The following CREB5 variants were observed in gnomAD, a reference collection of about 807,000 sequenced individuals.
The protein encoded by CREB5 is cyclic AMP-responsive element-binding protein 5.
Under a neutral mutation model 57.1 loss-of-function variants are expected in CREB5, and 19 were observed. That is an observed-to-expected ratio of 0.33 (90% CI 0.23 to 0.49). The LOEUF (loss-of-function observed/expected upper bound fraction) is 0.49. CREB5 is among the 20% of genes least tolerant of loss of function. The pLI, the probability that CREB5 is intolerant of heterozygous loss-of-function variation, is 0.99. For missense variants in CREB5, 579 were observed against 671.6 expected (o/e 0.86, Z 1.52); for synonymous variants, 238 against 238.3 (o/e 1.00, Z 0.01).
At chr7:28,560,831 C>CGTGCGTGTGCGCGTGCGTGTGCGCGT (rs1562797049) in intron 4 of CREB5, among the ~76,000 whole-genome samples, 2 of 58,946 alleles carry the variant, frequency 3.4e-5, no homozygotes, top group African/African-American at 1.3e-4. Flanking sequence ...TGCGCGCGCG[C>CGTGCGTGTGCGCGTGCGTGTGCGCGT]GCGTGTGTGT....
At chr7:28,803,932 T>A (rs1228274882) in intron 7 of CREB5, among the ~76,000 whole-genome samples, 1 of 152,148 alleles carries the variant, frequency 6.6e-6, no homozygotes, top group Non-Finnish European at 1.5e-5. Context: ...GTATGATTCT[T>A]GATAGGATAT....
intron 5 of CREB5, among the ~76,000 whole-genome samples, chr7:28,690,247 G>A (rs758760521): frequency 5.6e-4 from 85 of 152,286 alleles, no homozygotes; most frequent in Non-Finnish European, 1.1e-3. Context: ...AGCAGGTGGA[G>A]GAGGAGAGAT....
intron 4 of CREB5, among the ~76,000 whole-genome samples, chr7:28,520,213 T>A (rs976017146): frequency 6.6e-6 from 1 of 152,226 alleles, no homozygotes; most frequent in Non-Finnish European, 1.5e-5. Context: ...ACTAGCTGAC[T>A]CAGGTCAGTT....
chr7:28,751,128 G>A (rs1440179268), intron 7 of CREB5, among the ~76,000 whole-genome samples: 1 of 147,666 alleles, frequency 6.8e-6, no homozygotes, highest in Non-Finnish European at 1.5e-5. Context: ...ACCAACAAAC[G>A]AAGCCACTTG....
At chr7:28,302,000 GAA>G (rs1562647678) in intron 1 of CREB5, among the ~76,000 whole-genome samples, 1 of 152,130 alleles carries the variant, frequency 6.6e-6, no homozygotes, top group East Asian at 1.9e-4. Context: ...AGCTACTTCA[GAA>G]AATAATAAGC....
Position 28,708,159 on chromosome 7 carries a change from G to A in CREB5, c.465-10594G>A, listed in dbSNP as rs1802217364. Among the ~76,000 whole-genome samples, 22 of 152,334 alleles carry A rather than the reference G, an allele frequency of 1.4e-4. No homozygotes were observed. In the South Asian group the frequency reaches 4.3e-3, roughly 30 times the overall value. ...CCCAGTGAAGAGTTTGCTCAGCCTT[G>A]TTAGGCAATGCCCCTTTCCTTGTTC... On this transcript the variant is annotated intron_variant, in intron 5 of 10. Coordinates refer to ENST00000357727, the MANE Select transcript of CREB5 (RefSeq NM_182898.4).
intron 2 of CREB5, 131 bp downstream of exon 2, chr7:28,488,377 C>T (rs1791664165): frequency 1.5e-6 from 1 of 684,148 alleles, no homozygotes; most frequent in Non-Finnish European, 2.5e-6. Context: ...TCCCCCTCCC[C>T]ATCAGTATCG....
intron 5 of CREB5, among the ~76,000 whole-genome samples, chr7:28,710,816 C>T (rs982547568): frequency 6.6e-6 from 1 of 152,148 alleles, no homozygotes; most frequent in African/African-American, 2.4e-5. Flanking sequence ...AAGCCTGACA[C>T]ATATTTGTTG....
At position 28,686,803 on chromosome 7, in the gene CREB5, C is replaced by T. The variant is rs557842305; in HGVS notation, c.465-31950C>T. ...ACTGCAATCTCTAATTATTCACAGA[C>T]GCTCCTTTTTTATCTTTTATTATTA... On this transcript the variant is annotated intron_variant, in intron 5 of 10. Transcript: ENST00000357727. Among the ~76,000 whole-genome samples, 210 of 152,266 alleles carry T rather than the reference C, an allele frequency of 1.4e-3. 1 individual carries two copies. The highest frequency in any genetic ancestry group is 4.1e-3 in the African/African-American group (170 of 41,542).
intron 5 of CREB5, among the ~76,000 whole-genome samples, chr7:28,579,423 T>G (rs1470770368): frequency 6.6e-6 from 1 of 152,082 alleles, no homozygotes; most frequent in Non-Finnish European, 1.5e-5. Context: ...ACCAGACACA[T>G]TTCAAGGAAT....
chr7:28,507,783 C>G, intron 4 of CREB5, 46 bp downstream of exon 4: 1 of 1,556,860 alleles, frequency 6.4e-7, no homozygotes, highest in Non-Finnish European at 8.8e-7. Context: ...CTGCTAGAAA[C>G]TTCCACGAGG....
intron 4 of CREB5, among the ~76,000 whole-genome samples, chr7:28,551,975 T>TTC (rs1224502131): frequency 3.8e-5 from 5 of 132,654 alleles, no homozygotes; most frequent in Non-Finnish European, 7.8e-5. Flanking sequence ...TATTCTCTCT[T>TTC]TCTCTCTCTC....
intron 1 of CREB5, among the ~76,000 whole-genome samples, chr7:28,302,393 G>A (rs1427189828): frequency 6.6e-6 from 1 of 152,278 alleles, no homozygotes; most frequent in African/African-American, 2.4e-5. Context: ...ACATGTTAAA[G>A]CTGAAATTGA....
At chr7:28,576,900 A>C (rs1297779000) in intron 5 of CREB5, among the ~76,000 whole-genome samples, 1 of 152,190 alleles carries the variant, frequency 6.6e-6, no homozygotes, top group Non-Finnish European at 1.5e-5. Flanking sequence ...GATAGGCACA[A>C]ATGAGGGACT....
chr7:28,772,284 G>A (rs1381930310), intron 7 of CREB5, among the ~76,000 whole-genome samples: 1 of 152,110 alleles, frequency 6.6e-6, no homozygotes, highest in East Asian at 1.9e-4. Flanking sequence ...GCTGGAAGTT[G>A]GGGCAAAAGA....
intron 7 of CREB5, among the ~76,000 whole-genome samples, chr7:28,796,905 G>A (rs917359417): frequency 6.6e-6 from 1 of 152,154 alleles, no homozygotes; most frequent in Non-Finnish European, 1.5e-5. Context: ...TGTTCTGAAA[G>A]CTGCTGAAAT....
intron 5 of CREB5, among the ~76,000 whole-genome samples, chr7:28,573,774 A>G (rs1795796292): frequency 6.6e-6 from 1 of 152,236 alleles, no homozygotes; most frequent in African/African-American, 2.4e-5. Context: ...AGGCATCCTC[A>G]TAAGCATTTG....
intron 5 of CREB5, among the ~76,000 whole-genome samples, chr7:28,670,329 C>T (rs1466063458): frequency 6.6e-6 from 1 of 152,198 alleles, no homozygotes; most frequent in Non-Finnish European, 1.5e-5. Flanking sequence ...TTGTACCGTA[C>T]TCACCTGTTT....
rs150601545 is a variant in CREB5 at position 28,674,156 on chromosome 7, C to T, written c.465-44597C>T. On this transcript the variant is annotated intron_variant, in intron 5 of 10. Coordinates refer to ENST00000357727, the MANE Select transcript of CREB5 (RefSeq NM_182898.4). ...ATCTTTTCTTGCCTGCAAATAAGATCTTCAAATTTTCTGCATTACAAGAGT... is the reference window on the plus strand; with the variant it reads ...ATCTTTTCTTGCCTGCAAATAAGATTTTCAAATTTTCTGCATTACAAGAGT... 2.2e-3 allele frequency among the ~76,000 whole-genome samples: 330 copies of T among 152,020 alleles called. 1 individual carries two copies. Among genetic ancestry groups the T allele is most frequent in the Non-Finnish European group, 4.2e-3 (283 of 67,988 alleles).
Sources: gnomAD v4.1 joint callset for allele counts (sites outside exome capture counted in the v4.1 genomes callset) on GRCh38, gnomAD v4.1.1 for gene constraint, MANE v1.5 for transcripts, NCBI Gene and HGNC (gene_info 2026-07-23, HGNC 2026-07-21) for gene names.